Variants in DDA1 observed in about 807,000 individuals in gnomAD.
DDA1 encodes the protein DET1 and DDB1 associated 1.
DDA1 carries 3 observed loss-of-function variants against 18.6 expected under a neutral mutation model. The observed-to-expected ratio is 0.16, with a 90% CI of 0.07 to 0.42. The LOEUF (loss-of-function observed/expected upper bound fraction) is 0.42, where lower values mean the gene tolerates loss of function less well. DDA1 is among the 10% of genes least tolerant of loss of function. The probability of loss-of-function intolerance (pLI) is 0.99; values close to 1 mark genes in which losing one functional copy is unlikely to be tolerated. For missense variants in DDA1, 105 were observed against 138.2 expected (o/e 0.76, Z 1.20); for synonymous variants, 52 against 54.0 (o/e 0.96, Z 0.17).
At chr19:17,317,669 A>T (rs927282150) in intron 4 of DDA1, among the ~76,000 whole-genome samples, 169 of 55,492 alleles carry the variant, frequency 3.0e-3, no homozygotes, top group Non-Finnish European at 5.4e-3. Context: ...CTCCATCACT[A>T]AAAAAAAAAA....
chr19:17,315,430 A>ATGTGTGTG (rs1568354219), intron 3 of DDA1, among the ~76,000 whole-genome samples: 23 of 40,912 alleles, frequency 5.6e-4, no homozygotes, highest in Non-Finnish European at 7.3e-4. Flanking sequence ...GTGTGTGTGC[A>ATGTGTGTG]TATATATATA....
At chr19:17,311,154 G>A (rs185950005) in intron 1 of DDA1, among the ~76,000 whole-genome samples, 7 of 147,848 alleles carry the variant, frequency 4.7e-5, no homozygotes, top group Middle Eastern at 3.4e-3. Context: ...CATGGGGCCT[G>A]AGAAGGAGGT....
chr19:17,313,282 GA>G (rs1292895520), intron 1 of DDA1, among the ~76,000 whole-genome samples: 1 of 151,996 alleles, frequency 6.6e-6, no homozygotes, highest in Non-Finnish European at 1.5e-5. Context: ...TTGATAGGGA[GA>G]CACTACCTCC....
At position 17,314,436 on chromosome 19, in the gene DDA1, G is replaced by C; in HGVS notation, c.136+47G>C. ...GTCCCATTCTGGCTGCTGAGGGGCG[G>C]GGTTTGGTGACTGCAGCGTGGCACG... On this transcript the variant is annotated intron_variant, in intron 3 of 4. Coordinates refer to ENST00000359866, the MANE Select transcript of DDA1 (RefSeq NM_024050.6). The surrounding 1 kb of genome is among the most constrained non-coding windows in gnomAD (Gnocchi z 4.6). The C allele has an allele frequency of 1.2e-6, 2 of 1,613,192 alleles. No individual in the cohort carries two copies. The highest frequency in any genetic ancestry group is 1.7e-6 in the Non-Finnish European group (2 of 1,179,218).
chr19:17,319,437 G>A lies in DDA1; in HGVS notation c.199-109G>A, dbSNP rs150877745. 1,473 of 821,610 alleles carry A rather than the reference G, an allele frequency of 1.8e-3. 24 individuals are homozygous for A. In the Admixed American group the frequency reaches 0.024, roughly 14 times the overall value. The allele number at this position is 821,610 out of a possible 1,614,324, so 50.9% of individuals were successfully genotyped here. ...ATATTAAGCGTGGTGGTATGTGCCTGTAGTCCTAGCTACTCCAGAGGCTGA... is the reference window on the plus strand; with the variant it reads ...ATATTAAGCGTGGTGGTATGTGCCTATAGTCCTAGCTACTCCAGAGGCTGA... On this transcript the variant is annotated intron_variant, in intron 4 of 4. Transcript: ENST00000359866.
chr19:17,313,347 G>A (rs2074187496), intron 1 of DDA1, among the ~76,000 whole-genome samples: 1 of 151,830 alleles, frequency 6.6e-6, no homozygotes, highest in Admixed American at 6.6e-5. Flanking sequence ...GCCCCGTTCA[G>A]GGCAAGCCAT....
chr19:17,315,446 A>ATG, intron 3 of DDA1, among the ~76,000 whole-genome samples: 1 of 123,582 alleles, frequency 8.1e-6, no homozygotes, highest in Non-Finnish European at 1.8e-5. Context: ...ATATATATAT[A>ATG]TATATATATT....
At chr19:17,310,713 C>G (rs1004725117) in intron 1 of DDA1, among the ~76,000 whole-genome samples, 6 of 152,144 alleles carry the variant, frequency 3.9e-5, no homozygotes, top group Non-Finnish European at 7.4e-5. Flanking sequence ...TCCTAGTGTG[C>G]GGGTCCCCAA....
chr19:17,319,038 G>A lies in DDA1; in HGVS notation c.199-508G>A, dbSNP rs557771033. 5.3e-5 allele frequency among the ~76,000 whole-genome samples: 8 copies of A among 152,218 alleles called. No individual in the cohort carries two copies. The South Asian group carries it at 1.4e-3, about 28-fold the overall frequency. ...GTGCTTCTGTCTTGCGTTGATGTGC[G>A]GCATCCCCAGTGGCTTCCAAAGGCC... is the stretch of plus-strand genomic sequence containing the variant. On this transcript the variant is annotated intron_variant, in intron 4 of 4. Transcript: ENST00000359866.
chr19:17,311,128 C>T (rs2074176749), intron 1 of DDA1, among the ~76,000 whole-genome samples: 1 of 151,620 alleles, frequency 6.6e-6, no homozygotes, highest in African/African-American at 2.4e-5. Flanking sequence ...GCTGGTATTA[C>T]AGGTGTGAGG....
rs1599539590 is a variant in DDA1, at chr19:17,321,354, A to C, written c.*1698A>C. The C allele has an allele frequency of 6.6e-6, 1 of 151,504 alleles. No individual in the cohort carries two copies. The highest frequency in any genetic ancestry group is 2.1e-4 in the South Asian group (1 of 4,814). The allele number at this position is 151,504 out of a possible 1,614,324, so 9.4% of individuals were successfully genotyped here. A position where few individuals can be genotyped will look rare whatever the true frequency, so the allele number is the denominator to read the frequency against. On this transcript the variant is annotated 3_prime_UTR_variant, in exon 5 of 5. Transcript: ENST00000359866. Reference sequence around the variant, plus strand: ...GTCATGTTGGCCAGGCTGGTCTCGAACTCCTGACCTCAGGTGCTTCGCCTG... The same window carrying C: ...GTCATGTTGGCCAGGCTGGTCTCGACCTCCTGACCTCAGGTGCTTCGCCTG...
intron 1 of DDA1, among the ~76,000 whole-genome samples, chr19:17,309,927 G>A (rs1415591427): frequency 1.3e-5 from 2 of 151,508 alleles, no homozygotes; most frequent in African/African-American, 2.4e-5. Flanking sequence ...GGCTCCCCCC[G>A]GAAATCGTCT....
rs148217249 is a variant in DDA1 at position 17,319,620 on chromosome 19, G to A, written c.273G>A (p.Ala91=). Residue 91 remains alanine, a synonymous_variant, in exon 5 of 5, where the codon GCG becomes GCA. Coordinates refer to ENST00000359866, the MANE Select transcript of DDA1 (RefSeq NM_024050.6). The stretch of plus-strand genomic sequence containing the variant: ...GCTCCGCACCTCCCCGCAAGGTGGC[G>A]CGGACCGACAGCCCAGACATGCACG... The part of the protein sequence containing the change: ...GESSAPPRKV[A]RTDSPDMHED... The A allele has an allele frequency of 2.3e-4, 366 of 1,577,220 alleles. 1 individual carries two copies. In the African/African-American group the frequency reaches 4.4e-3, roughly 19 times the overall value.
rs983791116 is a variant in DDA1 at position 17,314,598 on chromosome 19, C to T, written c.136+209C>T. On this transcript the variant is annotated intron_variant, in intron 3 of 4. Transcript: ENST00000359866. This position sits in a 1 kb window ranked among gnomAD's most constrained non-coding sequence, Gnocchi z 4.6. ...CCTTGGGGGCTTCAGCCTGGGGATGCACACGTGGATGCCTGTCCACTCCCA... is the reference window on the plus strand; with the variant it reads ...CCTTGGGGGCTTCAGCCTGGGGATGTACACGTGGATGCCTGTCCACTCCCA... 6.5e-6 allele frequency: 4 copies of T among 616,546 alleles called. No homozygotes were observed. Among genetic ancestry groups the T allele is most frequent in the Non-Finnish European group, 1.1e-5 (4 of 354,124 alleles). 38.2% of individuals were successfully genotyped at this position (616,546 alleles called of 1,614,324 possible).
At chr19:17,319,241 G>A (rs994340292) in intron 4 of DDA1, among the ~76,000 whole-genome samples, 32 of 152,300 alleles carry the variant, frequency 2.1e-4, no homozygotes, top group African/African-American at 7.7e-4. Flanking sequence ...TGGTAGGAGG[G>A]GCTGCCTAGC....
intron 1 of DDA1, among the ~76,000 whole-genome samples, chr19:17,311,083 T>G (rs2074176586): frequency 1.3e-5 from 2 of 152,058 alleles, no homozygotes; most frequent in African/African-American, 2.4e-5. Context: ...CTCAAACTCC[T>G]GGGCTCAAGT....
At position 17,319,756 on chromosome 19, in the gene DDA1, G is replaced by A. The variant is rs1034612132; in HGVS notation, c.*100G>A. 6.9e-6 allele frequency: 7 copies of A among 1,007,330 alleles called. No individual in the cohort carries two copies. Among genetic ancestry groups the A allele is most frequent in the Non-Finnish European group, 1.0e-5 (7 of 683,460 alleles). The allele number at this position is 1,007,330 out of a possible 1,614,324, so 62.4% of individuals were successfully genotyped here. On this transcript the variant is annotated 3_prime_UTR_variant, in exon 5 of 5. Coordinates refer to ENST00000359866, the MANE Select transcript of DDA1 (RefSeq NM_024050.6). ...CACCCCGCCCGCCCGCCTCCCTGCCGGCCCATCCACACCCTGCGTCCACAC... is the reference window on the plus strand; with the variant it reads ...CACCCCGCCCGCCCGCCTCCCTGCCAGCCCATCCACACCCTGCGTCCACAC...
At chr19:17,315,908 C>A (rs748906740) in intron 3 of DDA1, 26 bp from the exon 4 acceptor site, 12 of 1,613,298 alleles carry the variant, frequency 7.4e-6, no homozygotes, top group African/African-American at 1.3e-5. Flanking sequence ...GAGGCGTCTG[C>A]GACTTTCTCT....
At chr19:17,319,027 C>T (rs1049830204) in intron 4 of DDA1, among the ~76,000 whole-genome samples, 4 of 152,256 alleles carry the variant, frequency 2.6e-5, no homozygotes, top group Admixed American at 6.5e-5. Flanking sequence ...TTCTGTCTTG[C>T]GTTGATGTGC....
Sources: allele counts gnomAD v4.1 joint callset (sites outside exome capture counted in the v4.1 genomes callset), GRCh38; gene constraint gnomAD v4.1.1; non-coding constraint Gnocchi (gnomAD v3.1); transcripts MANE v1.5; gene names NCBI Gene and HGNC (gene_info 2026-07-23, HGNC 2026-07-21).